Variants in TRAF3IP3 observed in about 807,000 individuals in gnomAD.
TRAF3IP3 encodes the protein TRAF3-interacting JNK-activating modulator.
A neutral mutation model predicts 86.5 loss-of-function variants in TRAF3IP3; 64 were observed. The observed-to-expected ratio is 0.74, with a 90% CI of 0.60 to 0.91. TRAF3IP3 has a LOEUF of 0.91. Among genes scored for constraint, TRAF3IP3 ranks in the 40% least tolerant of loss-of-function variants. TRAF3IP3 has a pLI of 0.00. For missense variants in TRAF3IP3, 579 were observed against 642.9 expected, an observed-to-expected ratio of 0.90 and a Z score of 1.07; for synonymous variants, 220 against 243.9, an observed-to-expected ratio of 0.90 and a Z score of 0.91.
intron 9 of TRAF3IP3, among the ~76,000 whole-genome samples, chr1:209,774,269 T>C (rs1317069493): frequency 1.3e-5 from 2 of 152,230 alleles, no homozygotes; most frequent in Non-Finnish European, 2.9e-5. Flanking sequence ...TTTTAAAACA[T>C]GAAGTTCATT....
chr1:209,782,151 A>T lies in TRAF3IP3; in HGVS notation c.*3A>T, dbSNP rs1181375077. ...ATAAAGACAACCTGATGATCTGAAT[A>T]ATTTGTGACAACTGCCTTGGGTGAA... On this transcript the variant is annotated 3_prime_UTR_variant, in exon 17 of 17. Coordinates refer to ENST00000367025, the MANE Select transcript of TRAF3IP3 (RefSeq NM_025228.4). 6.2e-7 allele frequency: 1 copy of T among 1,612,144 alleles called. No individual in the cohort carries two copies. Among genetic ancestry groups the T allele is most frequent in the African/African-American group, 1.3e-5 (1 of 75,024 alleles).
rs796466318 is a variant in TRAF3IP3, at chr1:209,771,081, GGT to G, written c.703-1857_703-1856del. Among the ~76,000 whole-genome samples the G allele has an allele frequency of 6.5e-3, 937 of 143,500 alleles. 25 individuals are homozygous for G. The highest frequency in any genetic ancestry group is 0.057 in the East Asian group (241 of 4,226). 94.1% of individuals were successfully genotyped at this position (143,500 alleles called of 152,430 possible). A position where few individuals can be genotyped will look rare whatever the true frequency, so the allele number is the denominator to read the frequency against. ...ATGTGGAGGTGTGTGTGCAGGTGGA[GGT>G]GTGTGTGTGCAGGTGGAAGTGTGCA... On this transcript the variant is annotated intron_variant, in intron 8 of 16. Coordinates refer to ENST00000367025, the MANE Select transcript of TRAF3IP3 (RefSeq NM_025228.4).
In TRAF3IP3 at chr1:209,760,047, G is replaced by T. The variant is rs762916063; in HGVS notation, c.8G>T (p.Ser3Ile). 4 of 1,612,710 alleles carry T rather than the reference G, an allele frequency of 2.5e-6. No individual in the cohort carries two copies. Among genetic ancestry groups the T allele is most frequent in the Non-Finnish European group, 3.4e-6 (4 of 1,178,964 alleles). Residue 3 changes from serine to isoleucine, a missense_variant, in exon 3 of 17, where the codon AGC becomes ATC. Physicochemically the swap from Ser to Ile is moderately radical, Grantham distance 142 (BLOSUM62 -2). Coordinates refer to ENST00000367025, the MANE Select transcript of TRAF3IP3 (RefSeq NM_025228.4). MI[S>I]PDPRPSPGLA... is the part of the protein sequence containing the mutation. ...AGGTGCTTGGAGGTCATCATGATCA[G>T]CCCAGACCCCAGGCCCTCCCCTGGC... is the stretch of plus-strand genomic sequence containing the variant.
At chr1:209,779,434 C>T in intron 14 of TRAF3IP3, 60 bp downstream of exon 14, 3 of 1,473,020 alleles carry the variant, frequency 2.0e-6, no homozygotes, top group Non-Finnish European at 2.9e-6. Flanking sequence ...TGCCTAGAGG[C>T]AGCGGGATGG....
intron 8 of TRAF3IP3, among the ~76,000 whole-genome samples, chr1:209,764,033 C>T (rs1229085678): frequency 6.6e-6 from 1 of 152,196 alleles, no homozygotes; most frequent in Non-Finnish European, 1.5e-5. Context: ...TGGCCTAATA[C>T]TCTCATTTTG....
chr1:209,757,889 G>A (rs1320208070), intron 1 of TRAF3IP3, among the ~76,000 whole-genome samples: 1 of 152,182 alleles, frequency 6.6e-6, no homozygotes, highest in African/African-American at 2.4e-5. Flanking sequence ...GCAGGTCCTA[G>A]CCCCATTTTA....
chr1:209,773,007 C>CA lies in TRAF3IP3; in HGVS notation c.763dup (p.Thr255AsnfsTer26). 1 of 1,611,998 alleles carries CA rather than the reference C, an allele frequency of 6.2e-7. No homozygotes were observed. Among genetic ancestry groups the CA allele is most frequent in the Non-Finnish European group, 8.5e-7 (1 of 1,179,212 alleles). Reference sequence around the variant, plus strand: ...TGAGATCCTTAGAAAACCAGCTATACACCTGTACCCAGGTAAGCATTCTGA... The same window carrying CA: ...TGAGATCCTTAGAAAACCAGCTATACAACCTGTACCCAGGTAAGCATTCTGA... On this transcript the variant is annotated frameshift_variant, in exon 9 of 17. Coordinates refer to ENST00000367025, the MANE Select transcript of TRAF3IP3 (RefSeq NM_025228.4). LOFTEE classifies it high-confidence loss of function.
At chr1:209,765,332 A>C (rs1331949601) in intron 8 of TRAF3IP3, among the ~76,000 whole-genome samples, 2 of 152,136 alleles carry the variant, frequency 1.3e-5, no homozygotes, top group Non-Finnish European at 2.9e-5. Flanking sequence ...ATTTTAAAAT[A>C]ATGAGAGTAA....
At chr1:209,767,604 C>T (rs1462009611) in intron 8 of TRAF3IP3, among the ~76,000 whole-genome samples, 2 of 151,326 alleles carry the variant, frequency 1.3e-5, no homozygotes, top group Non-Finnish European at 2.9e-5. Flanking sequence ...GCAGGAGGAT[C>T]GCTTGAGCCC....
intron 8 of TRAF3IP3, among the ~76,000 whole-genome samples, chr1:209,765,244 A>C (rs2077331910): frequency 9.1e-6 from 1 of 109,924 alleles, no homozygotes; most frequent in East Asian, 2.4e-4. Context: ...GAAGGAAGGA[A>C]GGAAGGAAGG....
chr1:209,763,874 A>C (rs541401764), intron 8 of TRAF3IP3, among the ~76,000 whole-genome samples: 2 of 152,352 alleles, frequency 1.3e-5, no homozygotes, highest in African/African-American at 4.8e-5. Flanking sequence ...GAATGAAGGA[A>C]GATCCCAATA....
chr1:209,767,481 A>G (rs1243066888), intron 8 of TRAF3IP3, among the ~76,000 whole-genome samples: 1 of 152,122 alleles, frequency 6.6e-6, no homozygotes, highest in Non-Finnish European at 1.5e-5. Context: ...GGATCACTTG[A>G]GTGATCAAGA....
chr1:209,763,479 C>A lies in TRAF3IP3; in HGVS notation c.607-13C>A, dbSNP rs765298927. 3 of 1,613,768 alleles carry A rather than the reference C, an allele frequency of 1.9e-6. No individual in the cohort carries two copies. Among genetic ancestry groups the A allele is most frequent in the Admixed American group, 1.7e-5 (1 of 60,010 alleles). On this transcript the variant is annotated splice_polypyrimidine_tract_variant and intron_variant, in intron 7 of 16. Coordinates refer to ENST00000367025, the MANE Select transcript of TRAF3IP3 (RefSeq NM_025228.4). ...TAATCTTACCCTCTTGCACTTTGTGCCCGCACCCCCAGGAGGCCCTACAAA... is the reference window on the plus strand; with the variant it reads ...TAATCTTACCCTCTTGCACTTTGTGACCGCACCCCCAGGAGGCCCTACAAA...
intron 8 of TRAF3IP3, among the ~76,000 whole-genome samples, chr1:209,770,800 G>A (rs1436679944): frequency 1.1e-4 from 15 of 137,414 alleles, no homozygotes; most frequent in Admixed American, 1.0e-3. Flanking sequence ...TGTGCATATG[G>A]AGGTGTGTGT....
intron 8 of TRAF3IP3, among the ~76,000 whole-genome samples, chr1:209,765,223 GA>G (rs1558012979): frequency 0.014 from 1,389 of 99,252 alleles, 142 homozygotes; most frequent in African/African-American, 0.044. Flanking sequence ...GGGAGAGAGA[GA>G]GAGAGGAAGG....
At chr1:209,760,596 T>C (rs1333312897) in intron 3 of TRAF3IP3, among the ~76,000 whole-genome samples, 1 of 152,244 alleles carries the variant, frequency 6.6e-6, no homozygotes, top group African/African-American at 2.4e-5. Context: ...TTTAGCTCTT[T>C]TTGTTCTGCA....
At chr1:209,772,458 T>C (rs1342757224) in intron 8 of TRAF3IP3, among the ~76,000 whole-genome samples, 1 of 152,106 alleles carries the variant, frequency 6.6e-6, no homozygotes, top group Non-Finnish European at 1.5e-5. Flanking sequence ...GACTTCAACA[T>C]AGAAATGTTG....
In TRAF3IP3 at chr1:209,780,488, G is replaced by A. The variant is rs765793206; in HGVS notation, c.1331G>A (p.Trp444Ter). The A allele has an allele frequency of 1.3e-6, 2 of 1,594,646 alleles. No individual in the cohort carries two copies. The highest frequency in any genetic ancestry group is 1.1e-5 in the South Asian group (1 of 88,852). The change falls in exon 15 of 17, where the codon TGG becomes TAG. Residue 444 changes from tryptophan to a stop codon, truncating the protein, a stop_gained. Coordinates refer to ENST00000367025, the MANE Select transcript of TRAF3IP3 (RefSeq NM_025228.4). LOFTEE classifies it high-confidence loss of function. ...LTKKDQALPV[W>*]SPKSFPNEVE... ...TTTTTAGATCAGGCTTTGCCCGTGTGGAGTCCAAAGTCCTTCCCTAACGAA... is the reference window on the plus strand; with the variant it reads ...TTTTTAGATCAGGCTTTGCCCGTGTAGAGTCCAAAGTCCTTCCCTAACGAA...
At chr1:209,776,130 T>C (rs1231059556) in intron 11 of TRAF3IP3, 1 of 164,696 alleles carries the variant, frequency 6.1e-6, no homozygotes, top group African/African-American at 2.4e-5. Context: ...TACAGGTGAG[T>C]ATTAACACTT....
Sources: allele counts gnomAD v4.1 joint callset (sites outside exome capture counted in the v4.1 genomes callset), GRCh38; gene constraint gnomAD v4.1.1; transcripts MANE v1.5; gene names NCBI Gene and HGNC (gene_info 2026-07-23, HGNC 2026-07-21).